CLPS: variants seen among roughly 807,000 people sequenced by gnomAD.
The protein encoded by CLPS is colipase, also known as colipase, pancreatic.
CLPS carries 8 observed loss-of-function variants against 9.3 expected under a neutral mutation model. The observed-to-expected ratio is 0.86, with a 90% CI of 0.51 to 1.56. The LOEUF (loss-of-function observed/expected upper bound fraction) is 1.56. CLPS is among the 40% of genes most tolerant of loss of function. CLPS has a pLI of 0.00. For missense variants in CLPS, 144 were observed against 145.7 expected, an observed-to-expected ratio of 0.99 and a Z score of 0.06; for synonymous variants, 61 against 56.2, an observed-to-expected ratio of 1.09 and a Z score of -0.39.
chr6:35,794,988 T>G lies in CLPS; in HGVS notation c.*158A>C, dbSNP rs1033716642. 2.8e-5 allele frequency: 29 copies of G among 1,052,502 alleles called. No individual in the cohort carries two copies. The highest frequency in any genetic ancestry group is 1.6e-4 in the South Asian group (9 of 56,840). The allele number at this position is 1,052,502 out of a possible 1,614,324, so 65.2% of individuals were successfully genotyped here. A position where few individuals can be genotyped will look rare whatever the true frequency, so the allele number is the denominator to read the frequency against. ...GAATATGCAGGAGACTGGGAAAGGT[T>G]TGCAGGAGGCCTTTAATTGTGAAGA... On this transcript the variant is annotated 3_prime_UTR_variant, in exon 3 of 3. Coordinates refer to ENST00000259938, the MANE Select transcript of CLPS (RefSeq NM_001832.4).
intron 1 of CLPS, among the ~76,000 whole-genome samples, chr6:35,796,544 G>A (rs1768372906): frequency 1.3e-5 from 2 of 152,276 alleles, no homozygotes; most frequent in Admixed American, 6.5e-5. Context: ...AACAGAATGA[G>A]TAAACATCTC....
At chr6:35,796,956 G>T (rs545659838) in intron 1 of CLPS, 29 of 536,374 alleles carry the variant, frequency 5.4e-5, no homozygotes, top group South Asian at 5.3e-4. Context: ...AGAAAAAAAA[G>T]GTCCCTCATA....
intron 1 of CLPS, chr6:35,796,689 A>G (rs920707988): frequency 3.1e-5 from 12 of 382,242 alleles, no homozygotes; most frequent in Non-Finnish European, 5.7e-5. Flanking sequence ...TAATCCCAGC[A>G]CTTTGGGAGG....
rs1293914115 is a variant in CLPS, at chr6:35,795,128, G to A, written c.*18C>T. ...GCCTACAGCATTCTGGGCTAGGTGT[G>A]GGAGTGGGTGGGCAGTCTCACTGCT... On this transcript the variant is annotated 3_prime_UTR_variant, in exon 3 of 3. Transcript: ENST00000259938. 1.2e-6 allele frequency: 2 copies of A among 1,612,066 alleles called. No individual in the cohort carries two copies. Among genetic ancestry groups the A allele is most frequent in the Non-Finnish European group, 8.5e-7 (1 of 1,179,176 alleles).
intron 1 of CLPS, among the ~76,000 whole-genome samples, chr6:35,796,360 C>T (rs1291613506): frequency 5.3e-5 from 8 of 152,260 alleles, no homozygotes; most frequent in Non-Finnish European, 8.8e-5. Flanking sequence ...ACCGCATGGA[C>T]GTTCTGGAAG....
In CLPS at chr6:35,796,880, G is replaced by A; in HGVS notation, c.84+325C>T. ...ACCCGGGAAGCAGAGATTGCAGTGA[G>A]CCGAGATTGTGCCACTACACTCCAG... On this transcript the variant is annotated intron_variant, in intron 1 of 2. Coordinates refer to ENST00000259938, the MANE Select transcript of CLPS (RefSeq NM_001832.4). 6.5e-6 allele frequency: 3 copies of A among 463,942 alleles called. 1 individual carries two copies. Among genetic ancestry groups the A allele is most frequent in the South Asian group, 5.2e-5 (3 of 57,248 alleles). 28.7% of individuals were successfully genotyped at this position (463,942 alleles called of 1,614,324 possible).
chr6:35,797,085 G>A (rs1768386349), intron 1 of CLPS, 120 bp downstream of exon 1: 1 of 902,738 alleles, frequency 1.1e-6, no homozygotes, highest in Non-Finnish European at 1.7e-6. Context: ...ACAGAGGGAT[G>A]CAAGATGCCA....
intron 1 of CLPS, 113 bp downstream of exon 1, chr6:35,797,092 G>T: frequency 2.1e-6 from 2 of 962,948 alleles, no homozygotes; most frequent in African/African-American, 1.6e-5. Context: ...GATGCAAGAT[G>T]CCACTCCTCC....
chr6:35,795,228 C>A lies in CLPS; in HGVS notation c.257G>T (p.Cys86Phe). ...GCCCACGATGGTCTTGTCTCCCTCA[C>A]AGGTCAGGCCACGCTCACAGGGACA... is the stretch of plus-strand genomic sequence containing the variant. Reference protein sequence around the residue: ...YKCPCERGLTCEGDKTIVGSI... With the variant: ...YKCPCERGLTFEGDKTIVGSI... The change falls in exon 3 of 3, where the codon TGT becomes TTT. Residue 86 changes from cysteine to phenylalanine, a missense_variant. By Grantham distance (205) the Cys-to-Phe change is radical (BLOSUM62 -2). Transcript: ENST00000259938. 3 of 1,614,248 alleles carry A rather than the reference C, an allele frequency of 1.9e-6. No homozygotes were observed. The highest frequency in any genetic ancestry group is 2.5e-6 in the Non-Finnish European group (3 of 1,180,034).
chr6:35,795,874 G>A, intron 1 of CLPS, 21 bp from the exon 2 acceptor site: 1 of 1,611,076 alleles, frequency 6.2e-7, no homozygotes, highest in African/African-American at 1.3e-5. Flanking sequence ...CAGCCAGTCA[G>A]CCCAGGCCCC....
Position 35,795,101 on chromosome 6 carries a change from T to C in CLPS, c.*45A>G. 1.2e-6 allele frequency: 2 copies of C among 1,602,266 alleles called. No individual in the cohort carries two copies. Among genetic ancestry groups the C allele is most frequent in the South Asian group, 1.1e-5 (1 of 89,020 alleles). ...AGGGGAGAGATGCCCCTGCGCCTAGTGGCCTACAGCATTCTGGGCTAGGTG... is the reference window on the plus strand; with the variant it reads ...AGGGGAGAGATGCCCCTGCGCCTAGCGGCCTACAGCATTCTGGGCTAGGTG... On this transcript the variant is annotated 3_prime_UTR_variant, in exon 3 of 3. Transcript: ENST00000259938.
At chr6:35,796,030 T>C (rs1305573861) in intron 1 of CLPS, among the ~76,000 whole-genome samples, 177 bp from the exon 2 acceptor site, 1 of 152,272 alleles carries the variant, frequency 6.6e-6, no homozygotes, top group East Asian at 1.9e-4. Flanking sequence ...GAAGTGGGCA[T>C]GCGGTGACAG....
chr6:35,797,115 G>T, intron 1 of CLPS, 90 bp downstream of exon 1: 1 of 1,228,368 alleles, frequency 8.1e-7, no homozygotes, highest in Non-Finnish European at 1.2e-6. Context: ...GCCCCTGCCA[G>T]TCCAGGTGGA....
At chr6:35,796,701 C>T (rs930710135) in intron 1 of CLPS, 8 of 390,240 alleles carry the variant, frequency 2.1e-5, no homozygotes, top group East Asian at 8.6e-5. Flanking sequence ...TTTGGGAGGC[C>T]GAGGTGGGCG....
intron 2 of CLPS, among the ~76,000 whole-genome samples, 185 bp from the exon 3 acceptor site, chr6:35,795,462 G>A (rs1037377244): frequency 9.8e-5 from 15 of 152,310 alleles, no homozygotes; most frequent in Admixed American, 2.0e-4. Flanking sequence ...TGGCTCATTT[G>A]CTCTTACTAG....
intron 1 of CLPS, chr6:35,796,784 A>C: frequency 2.2e-6 from 1 of 453,308 alleles, no homozygotes; most frequent in Admixed American, 2.4e-5. Context: ...AAATACAAAA[A>C]ATAGCTGAGC....
In CLPS at chr6:35,797,239, G is replaced by A; in HGVS notation, c.50C>T (p.Ala17Val). 6.2e-7 allele frequency: 1 copy of A among 1,614,072 alleles called. No homozygotes were observed. Among genetic ancestry groups the A allele is most frequent in the Non-Finnish European group, 8.5e-7 (1 of 1,179,960 alleles). ...LLLVALSVAY[A>V]APGPRGIIIN... is the part of the protein sequence containing the mutation. ...AATGATCCCCCGGGGGCCAGGAGCT[G>A]CATAGGCCACAGAGAGGGCGACAAG... The change falls in exon 1 of 3, where the codon GCA becomes GTA. Residue 17 changes from alanine (A) to valine (V), a missense_variant. Ala to Val is a moderately conservative substitution (Grantham distance 64, BLOSUM62 0). Coordinates refer to ENST00000259938, the MANE Select transcript of CLPS (RefSeq NM_001832.4).
In CLPS at chr6:35,797,305, G is replaced by A. The variant is rs1476798164; in HGVS notation, c.-17C>T. The A allele has an allele frequency of 1.2e-6, 2 of 1,612,624 alleles. No individual in the cohort carries two copies. Among genetic ancestry groups the A allele is most frequent in the Admixed American group, 1.7e-5 (1 of 60,024 alleles). ...CTTCTCCATGGTGAGTGGGACAGCT[G>A]GTGTGGGTGGCGGGAGACAGAGCCA... On this transcript the variant is annotated 5_prime_UTR_variant, in exon 1 of 3. Coordinates refer to ENST00000259938, the MANE Select transcript of CLPS (RefSeq NM_001832.4).
At chr6:35,795,382 G>C in intron 2 of CLPS, 105 bp from the exon 3 acceptor site, 2 of 1,497,312 alleles carry the variant, frequency 1.3e-6, no homozygotes, top group Non-Finnish European at 1.8e-6. Context: ...GTGTTTTCGG[G>C]GAGTGCCTCT....
Sources: gnomAD v4.1 joint callset for allele counts (sites outside exome capture counted in the v4.1 genomes callset) on GRCh38, gnomAD v4.1.1 for gene constraint, MANE v1.5 for transcripts, NCBI Gene and HGNC (gene_info 2026-07-23, HGNC 2026-07-21) for gene names.